PBX3: variants seen among roughly 807,000 people sequenced by gnomAD.
The protein encoded by PBX3 is PBX homeobox 3, also known as pre-B-cell leukemia transcription factor 3.
Under a neutral mutation model 48.5 loss-of-function variants are expected in PBX3, and 14 were observed. The ratio of observed to expected loss-of-function variants is 0.29; its 90% CI spans 0.19 to 0.45. PBX3 has a LOEUF of 0.45. PBX3 is among the 20% of genes least tolerant of loss of function. The pLI, the probability that PBX3 is intolerant of heterozygous loss-of-function variation, is 1.00. For missense variants in PBX3, 386 were observed against 546.7 expected (o/e 0.71, Z 2.93); for synonymous variants, 210 against 200.3 (o/e 1.05, Z -0.41).
chr9:125,783,116 A>G (rs953125733), intron 2 of PBX3, among the ~76,000 whole-genome samples: 2 of 152,156 alleles, frequency 1.3e-5, no homozygotes, highest in Admixed American at 6.5e-5. Flanking sequence ...TTCAAAGCCA[A>G]TATTTTGTCA....
At chr9:125,955,186 C>G (rs1240950204) in intron 5 of PBX3, among the ~76,000 whole-genome samples, 4 of 151,682 alleles carry the variant, frequency 2.6e-5, no homozygotes, top group African/African-American at 9.7e-5. Context: ...ATCTCAGGCT[C>G]CGTTTCAGCT....
intron 5 of PBX3, among the ~76,000 whole-genome samples, chr9:125,951,579 G>A (rs1842196933): frequency 1.3e-5 from 2 of 152,158 alleles, no homozygotes; most frequent in Admixed American, 1.3e-4. Context: ...TTTAAGAAAA[G>A]GGGAAACTAA....
rs544206266 is a variant in PBX3, at chr9:125,890,599, G to A, written c.275-25087G>A. ...CCCCCATCCCACCCCCAGTGACTTG[G>A]CTCTAGTCAAGAAATATTGGGGATG... On this transcript the variant is annotated intron_variant, in intron 2 of 8. Coordinates refer to ENST00000373489, the MANE Select transcript of PBX3 (RefSeq NM_006195.6). Among the ~76,000 whole-genome samples the A allele has an allele frequency of 1.6e-4, 25 of 152,314 alleles. No individual in the cohort carries two copies. The South Asian group carries it at 4.8e-3, about 29-fold the overall frequency.
At chr9:125,845,086 G>A (rs1029008717) in intron 2 of PBX3, 1 of 151,988 alleles carries the variant, frequency 6.6e-6, no homozygotes, top group Admixed American at 6.6e-5. Flanking sequence ...ATTTAACTAC[G>A]TTAGTCAGGA....
At position 125,886,656 on chromosome 9, in the gene PBX3, A is replaced by AT. The variant is rs201025355; in HGVS notation, c.275-29024dup. On this transcript the variant is annotated intron_variant, in intron 2 of 8. Transcript: ENST00000373489. ...AACCAGCATAAAAACTGTTTTGTGT[A>AT]TTTTTTCCCTTTTCTCATTAAGTAT... is the stretch of plus-strand genomic sequence containing the variant. Among the ~76,000 whole-genome samples the AT allele has an allele frequency of 9.5e-4, 144 of 152,178 alleles. 1 individual carries two copies. In the East Asian group the frequency reaches 0.024, roughly 26 times the overall value.
chr9:125,786,481 G>A (rs1473731153), intron 2 of PBX3, among the ~76,000 whole-genome samples: 1 of 152,162 alleles, frequency 6.6e-6, no homozygotes, highest in East Asian at 1.9e-4. Flanking sequence ...CGATTAGGAG[G>A]TGATATAAGG....
intron 1 of PBX3, chr9:125,748,104 T>G: frequency 2.8e-6 from 1 of 354,312 alleles, no homozygotes; most frequent in Non-Finnish European, 4.0e-6. Context: ...CCCTGGCGGG[T>G]CCGGGTGCGG....
intron 2 of PBX3, among the ~76,000 whole-genome samples, chr9:125,835,141 A>AT (rs1839094438): frequency 6.6e-6 from 1 of 152,084 alleles, no homozygotes; most frequent in South Asian, 2.1e-4. Context: ...TCAAAATAGG[A>AT]TAAAAAATAA....
At chr9:125,783,851 A>C (rs1421351942) in intron 2 of PBX3, among the ~76,000 whole-genome samples, 2 of 151,852 alleles carry the variant, frequency 1.3e-5, no homozygotes, top group African/African-American at 4.8e-5. Flanking sequence ...ATACAAGAAA[A>C]TTAGCTGGGC....
At chr9:125,801,455 T>C (rs1158183267) in intron 2 of PBX3, among the ~76,000 whole-genome samples, 5 of 152,216 alleles carry the variant, frequency 3.3e-5, no homozygotes, top group African/African-American at 9.6e-5. Flanking sequence ...TAAAATTATT[T>C]CCTTCAAAAA....
intron 2 of PBX3, among the ~76,000 whole-genome samples, chr9:125,911,171 A>G (rs1022092072): frequency 5.9e-5 from 9 of 152,068 alleles, no homozygotes; most frequent in African/African-American, 2.2e-4. Flanking sequence ...AATTGTTTCA[A>G]ATGAGATCTC....
intron 2 of PBX3, among the ~76,000 whole-genome samples, chr9:125,846,769 C>T (rs985434986): frequency 6.6e-6 from 1 of 151,980 alleles, no homozygotes; most frequent in Non-Finnish European, 1.5e-5. Context: ...CATTATTACA[C>T]CAAAATATGA....
chr9:125,750,053 GTAAAA>G (rs1411594084), intron 2 of PBX3, among the ~76,000 whole-genome samples: 1 of 152,180 alleles, frequency 6.6e-6, no homozygotes. Flanking sequence ...TTATCTGACT[GTAAAA>G]TAAGACATCT....
Position 125,966,200 on chromosome 9 carries a change from C to G in PBX3, c.*277C>G, listed in dbSNP as rs950195851. 4.0e-6 allele frequency: 1 copy of G among 252,706 alleles called. No homozygotes were observed. The highest frequency in any genetic ancestry group is 7.6e-6 in the Non-Finnish European group (1 of 131,870). The allele number at this position is 252,706 out of a possible 1,614,324, so 15.7% of individuals were successfully genotyped here. A position where few individuals can be genotyped will look rare whatever the true frequency, so the allele number is the denominator to read the frequency against. On this transcript the variant is annotated 3_prime_UTR_variant, in exon 9 of 9. Coordinates refer to ENST00000373489, the MANE Select transcript of PBX3 (RefSeq NM_006195.6). ...TAGCTATTTTATCATAATTTATTAT[C>G]AATATTTTACATTAATGGTTTCACA...
At chr9:125,909,694 T>G (rs973638564) in intron 2 of PBX3, among the ~76,000 whole-genome samples, 2 of 152,128 alleles carry the variant, frequency 1.3e-5, no homozygotes, top group Non-Finnish European at 2.9e-5. Flanking sequence ...AATTACACTG[T>G]CATAGAAAAA....
chr9:125,932,941 A>G (rs1262995450), intron 4 of PBX3, among the ~76,000 whole-genome samples: 2 of 152,222 alleles, frequency 1.3e-5, no homozygotes, highest in African/African-American at 2.4e-5. Context: ...CTGATGGAAC[A>G]CAGGCCTGGA....
intron 2 of PBX3, among the ~76,000 whole-genome samples, chr9:125,836,165 G>C (rs1464206280): frequency 6.6e-6 from 1 of 152,142 alleles, no homozygotes; most frequent in Non-Finnish European, 1.5e-5. Flanking sequence ...ATTGATCTTG[G>C]CTGGGCGCGG....
intron 3 of PBX3, among the ~76,000 whole-genome samples, chr9:125,921,150 A>G (rs537047411): frequency 1.9e-4 from 29 of 152,264 alleles, no homozygotes; most frequent in South Asian, 8.3e-4. Context: ...CCAAGGGAAG[A>G]GTTTTATTTC....
At chr9:125,830,778 T>C (rs964044238) in intron 2 of PBX3, among the ~76,000 whole-genome samples, 1 of 152,152 alleles carries the variant, frequency 6.6e-6, no homozygotes, top group African/African-American at 2.4e-5. Context: ...CTAAGTAACT[T>C]GTCCACATTC....
Sources: allele counts gnomAD v4.1 joint callset (sites outside exome capture counted in the v4.1 genomes callset), GRCh38; gene constraint gnomAD v4.1.1; transcripts MANE v1.5; gene names NCBI Gene and HGNC (gene_info 2026-07-23, HGNC 2026-07-21).